Variants in NTRK2 observed in about 807,000 individuals in gnomAD.
NTRK2 encodes the protein BDNF/NT-3 growth factors receptor.
In NTRK2, 13 loss-of-function variants were observed where a neutral mutation model predicts 94.5. The observed-to-expected ratio is 0.14, with a 90% confidence interval of 0.09 to 0.22. The LOEUF is 0.22. Ranked by LOEUF, NTRK2 falls within the 10% of genes least tolerant of loss-of-function variation. The pLI, the probability that NTRK2 is intolerant of heterozygous loss-of-function variation, is 1.00. For missense variants in NTRK2, 639 were observed against 1,071.2 expected, an observed-to-expected ratio of 0.60 and a Z score of 5.63; for synonymous variants, 372 against 407.4, an observed-to-expected ratio of 0.91 and a Z score of 1.05.
chr9:85,005,817 C>T (rs1830901327), intron 17 of NTRK2, among the ~76,000 whole-genome samples: 1 of 152,214 alleles, frequency 6.6e-6, no homozygotes, highest in African/African-American at 2.4e-5. Context: ...AAAGCCTTGA[C>T]TGACCTACCT....
At chr9:84,847,723 T>C (rs1376798656) in intron 12 of NTRK2, among the ~76,000 whole-genome samples, 2 of 152,174 alleles carry the variant, frequency 1.3e-5, no homozygotes, top group Non-Finnish European at 2.9e-5. Context: ...TGTTGATTTA[T>C]TTATGTCTGA....
At position 84,926,114 on chromosome 9, in the gene NTRK2, CTT is replaced by C. The variant is rs2077764675; in HGVS notation, c.1634-8047_1634-8046del. 1.8e-3 allele frequency among the ~76,000 whole-genome samples: 75 copies of C among 42,120 alleles called. 4 individuals are homozygous for C. The East Asian group carries it at 0.019, about 11-fold the overall frequency. 27.6% of individuals were successfully genotyped at this position (42,120 alleles called of 152,430 possible). On this transcript the variant is annotated intron_variant, in intron 14 of 18. Coordinates refer to ENST00000277120, the MANE Select transcript of NTRK2 (RefSeq NM_006180.6). ...CTTCCTTCCTTCCTTCCTTTCCTTC[CTT>C]CCTTCCTTCCTTCCTTCCTTCCTTC... is the stretch of plus-strand genomic sequence containing the variant.
At chr9:85,004,130 G>GGGAGGAAGGGAGGAAGGGAGTGAT (rs2133441096) in intron 17 of NTRK2, among the ~76,000 whole-genome samples, 1 of 151,068 alleles carries the variant, frequency 6.6e-6, no homozygotes, top group South Asian at 2.1e-4. Flanking sequence ...GAGGAAGGAA[G>GGGAGGAAGGGAGGAAGGGAGTGAT]GAAGGAAGGG....
intron 14 of NTRK2, among the ~76,000 whole-genome samples, chr9:84,878,459 C>A (rs1223017304): frequency 6.6e-6 from 1 of 151,720 alleles, no homozygotes; most frequent in Non-Finnish European, 1.5e-5. Flanking sequence ...CATGGTGAAA[C>A]CCCATCTCTA....
intron 10 of NTRK2, among the ~76,000 whole-genome samples, chr9:84,742,816 T>TTC (rs1554713365): frequency 5.1e-5 from 7 of 136,750 alleles, no homozygotes; most frequent in African/African-American, 1.4e-4. Context: ...TTTTTTTTTT[T>TTC]CCGAGACGGA....
intron 2 of NTRK2, among the ~76,000 whole-genome samples, chr9:84,683,237 A>G (rs2059500252): frequency 6.6e-6 from 1 of 152,144 alleles, no homozygotes; most frequent in South Asian, 2.1e-4. Flanking sequence ...GGTTTGTTAC[A>G]TAGGTATACA....
At chr9:84,875,524 G>A in intron 14 of NTRK2, 1 of 1,063,176 alleles carries the variant, frequency 9.4e-7, no homozygotes, top group Non-Finnish European at 1.1e-6. Flanking sequence ...ATCACTTTTT[G>A]CCTCCAAGTT....
intron 14 of NTRK2, chr9:84,877,141 T>C: frequency 9.4e-7 from 1 of 1,064,910 alleles, no homozygotes; most frequent in East Asian, 5.0e-5. Context: ...GCTCTGCCAC[T>C]TCCTACATAT....
intron 17 of NTRK2, among the ~76,000 whole-genome samples, chr9:84,978,917 C>T (rs1827244016): frequency 6.6e-6 from 1 of 152,198 alleles, no homozygotes; most frequent in African/African-American, 2.4e-5. Flanking sequence ...TGGATGACAG[C>T]ACATCTGTTT....
Position 85,026,837 on chromosome 9 carries a change from A to T in NTRK2, c.*5400A>T. On this transcript the variant is annotated 3_prime_UTR_variant, in exon 19 of 19. Transcript: ENST00000277120. ...TGATGTCTCTGTGCTAATACTTACC[A>T]GTTCTTGTTTTGCAATCTGTTTTGA... The T allele has an allele frequency of 4.3e-6, 1 of 232,868 alleles. No individual in the cohort carries two copies. The highest frequency in any genetic ancestry group is 1.3e-3 in the Middle Eastern group (1 of 782). 14.4% of individuals were successfully genotyped at this position (232,868 alleles called of 1,614,324 possible). A position where few individuals can be genotyped will look rare whatever the true frequency, so the allele number is the denominator to read the frequency against.
In NTRK2 at chr9:85,021,976, A is replaced by G. The variant is rs750886765; in HGVS notation, c.*539A>G. On this transcript the variant is annotated 3_prime_UTR_variant, in exon 19 of 19. Transcript: ENST00000277120. The stretch of plus-strand genomic sequence containing the variant: ...AGTTTCTATGGATTCACTTCTATTT[A>G]TTTATTATTATTACTGTTCTTATTG... 8.3e-6 allele frequency: 2 copies of G among 241,148 alleles called. No individual in the cohort carries two copies. Among genetic ancestry groups the G allele is most frequent in the South Asian group, 1.5e-4 (1 of 6,518 alleles). The allele number at this position is 241,148 out of a possible 1,614,324, so 14.9% of individuals were successfully genotyped here.
At chr9:84,767,086 T>C (rs991998361) in intron 12 of NTRK2, among the ~76,000 whole-genome samples, 1 of 152,210 alleles carries the variant, frequency 6.6e-6, no homozygotes, top group South Asian at 2.1e-4. Flanking sequence ...TCTTGACTTT[T>C]TCTTGAAATT....
Position 84,724,335 on chromosome 9 carries a change from T to C in NTRK2, c.832T>C (p.Ser278Pro). The C allele has an allele frequency of 6.2e-7, 1 of 1,614,186 alleles. No individual in the cohort carries two copies. The highest frequency in any genetic ancestry group is 8.5e-7 in the Non-Finnish European group (1 of 1,180,008). Residue 278 changes from serine to proline, a missense_variant, in exon 8 of 19, where the codon TCT becomes CCT. Coordinates refer to ENST00000277120, the MANE Select transcript of NTRK2 (RefSeq NM_006180.6). ...AAATCTTGTAGGAGAAGATCAAGAT[T>C]CTGTCAACCTCACTGTGCATTGTAC... ...AENLVGEDQD[S>P]VNLTVHFAPT... is the part of the protein sequence containing the mutation.
chr9:84,842,501 G>A (rs895086264), intron 12 of NTRK2, among the ~76,000 whole-genome samples: 2 of 152,122 alleles, frequency 1.3e-5, no homozygotes, highest in African/African-American at 4.8e-5. Flanking sequence ...AGGCTCACAG[G>A]TATCTGACTG....
chr9:84,724,851 A>G (rs1244319122), intron 8 of NTRK2, among the ~76,000 whole-genome samples: 2 of 152,220 alleles, frequency 1.3e-5, no homozygotes, highest in African/African-American at 4.8e-5. Context: ...TCCTACTTAA[A>G]TTACTGAAAA....
chr9:84,899,739 A>G (rs2076871036), intron 14 of NTRK2, among the ~76,000 whole-genome samples: 1 of 152,056 alleles, frequency 6.6e-6, no homozygotes, highest in Non-Finnish European at 1.5e-5. Flanking sequence ...AGAAAAAGGG[A>G]AAAGAGAGTT....
chr9:84,986,523 G>A (rs1828326809), intron 17 of NTRK2, among the ~76,000 whole-genome samples: 1 of 152,206 alleles, frequency 6.6e-6, no homozygotes, highest in African/African-American at 2.4e-5. Flanking sequence ...ACCTCCTGCT[G>A]TGTGGCCCAG....
At chr9:84,856,646 G>A (rs1449747663) in intron 12 of NTRK2, among the ~76,000 whole-genome samples, 1 of 152,056 alleles carries the variant, frequency 6.6e-6, no homozygotes, top group Non-Finnish European at 1.5e-5. Context: ...TGTCCTTTAG[G>A]GAGTGGGTGT....
chr9:84,813,751 C>T, intron 12 of NTRK2: 1 of 1,066,114 alleles, frequency 9.4e-7, no homozygotes, highest in Non-Finnish European at 1.1e-6. Flanking sequence ...TTATATCTGA[C>T]ACTAATTTCT....
Sources: allele counts gnomAD v4.1 joint callset (sites outside exome capture counted in the v4.1 genomes callset), GRCh38; gene constraint gnomAD v4.1.1; transcripts MANE v1.5; gene names NCBI Gene and HGNC (gene_info 2026-07-23, HGNC 2026-07-21).